Variants in HOMER1 observed in about 807,000 individuals in gnomAD.
HOMER1 encodes homer scaffold protein 1, also known as homer protein homolog 1.
HOMER1 carries 3 observed loss-of-function variants against 48.9 expected under a neutral mutation model. That is an observed-to-expected ratio of 0.06 (90% confidence interval 0.03 to 0.16). The LOEUF (loss-of-function observed/expected upper bound fraction) is 0.16, where lower values mean the gene tolerates loss of function less well. Among genes scored for constraint, HOMER1 ranks in the 10% least tolerant of loss-of-function variants. The probability of loss-of-function intolerance (pLI) is 1.00; values close to 1 mark genes in which losing one functional copy is unlikely to be tolerated. For synonymous variants in HOMER1, 134 were observed against 146.4 expected, an observed-to-expected ratio of 0.92 and a Z score of 0.61; for missense variants, 247 against 411.4, an observed-to-expected ratio of 0.60 and a Z score of 3.46.
intron 1 of HOMER1, among the ~76,000 whole-genome samples, chr5:79,468,548 A>G (rs1433822567): frequency 6.6e-6 from 1 of 152,206 alleles, no homozygotes; most frequent in African/African-American, 2.4e-5. Context: ...TTCAAATAAC[A>G]TATGTTGTTC....
intron 8 of HOMER1, among the ~76,000 whole-genome samples, chr5:79,387,715 G>A (rs1749152864): frequency 6.6e-6 from 1 of 152,078 alleles, no homozygotes; most frequent in African/African-American, 2.4e-5. Flanking sequence ...TGTTTTAATA[G>A]AACATACATT....
At chr5:79,421,809 T>C (rs1329550884) in intron 5 of HOMER1, among the ~76,000 whole-genome samples, 1 of 152,134 alleles carries the variant, frequency 6.6e-6, no homozygotes, top group Non-Finnish European at 1.5e-5. Flanking sequence ...TGTTTCTCCA[T>C]GTTGGCCACA....
intron 8 of HOMER1, among the ~76,000 whole-genome samples, chr5:79,381,598 A>G (rs561158642): frequency 6.6e-6 from 1 of 152,290 alleles, no homozygotes; most frequent in South Asian, 2.1e-4. Context: ...AAAAACGCAC[A>G]AAGAGGCCAG....
chr5:79,510,473 CA>C, intron 1 of HOMER1: 4 of 692,726 alleles, frequency 5.8e-6, no homozygotes, highest in Non-Finnish European at 5.3e-6. Flanking sequence ...CAACCAGTCC[CA>C]AAAATGGCAC....
intron 1 of HOMER1, among the ~76,000 whole-genome samples, chr5:79,482,350 G>C (rs1336414329): frequency 6.6e-6 from 1 of 152,016 alleles, no homozygotes; most frequent in Non-Finnish European, 1.5e-5. Flanking sequence ...AACACACCCA[G>C]AAATGACATA....
rs371198608 is a variant in HOMER1 at position 79,512,783 on chromosome 5, A to G, written c.-9T>C. On this transcript the variant is annotated 5_prime_UTR_variant, in exon 1 of 9. Coordinates refer to ENST00000334082, the MANE Select transcript of HOMER1 (RefSeq NM_004272.5). ...AAAAATCCTTACCCCATTTTGCCCAATGAAAACTTGCTCTGAAGTTTCAGC... is the reference window on the plus strand; with the variant it reads ...AAAAATCCTTACCCCATTTTGCCCAGTGAAAACTTGCTCTGAAGTTTCAGC... 124 of 1,613,536 alleles carry G rather than the reference A, an allele frequency of 7.7e-5. No homozygotes were observed. The highest frequency in any genetic ancestry group is 9.2e-5 in the Non-Finnish European group (109 of 1,179,684).
At chr5:79,476,248 A>AC (rs1164312126) in intron 1 of HOMER1, among the ~76,000 whole-genome samples, 2 of 151,972 alleles carry the variant, frequency 1.3e-5, no homozygotes, top group African/African-American at 4.8e-5. Context: ...GTGGAAAAAA[A>AC]ACGAACTCAA....
chr5:79,389,936 C>G (rs1178702600), intron 8 of HOMER1, among the ~76,000 whole-genome samples: 1 of 152,072 alleles, frequency 6.6e-6, no homozygotes, highest in African/African-American at 2.4e-5. Flanking sequence ...GAGAGCATAA[C>G]AAGCACATTA....
intron 1 of HOMER1, among the ~76,000 whole-genome samples, chr5:79,494,905 G>A (rs1228380152): frequency 5.3e-5 from 8 of 152,200 alleles, no homozygotes; most frequent in African/African-American, 1.7e-4. Flanking sequence ...ATTGCAGCCT[G>A]AGTAGTTGAT....
intron 5 of HOMER1, among the ~76,000 whole-genome samples, chr5:79,429,329 G>A (rs1052062652): frequency 1.3e-5 from 2 of 152,088 alleles, no homozygotes; most frequent in Admixed American, 1.3e-4. Flanking sequence ...GAGCCAAGAC[G>A]GCCCCACTGC....
rs916519858 is a variant in HOMER1, at chr5:79,374,170, A to G, written c.*1839T>C. ...ATTTACTTCAAAATTCCATCAATCA[A>G]ATACATTTTGTTACCTGATTTATCA... On this transcript the variant is annotated 3_prime_UTR_variant, in exon 9 of 9. Transcript: ENST00000334082. 5 of 152,582 alleles carry G rather than the reference A, an allele frequency of 3.3e-5. No individual in the cohort carries two copies. The highest frequency in any genetic ancestry group is 1.2e-4 in the African/African-American group (5 of 41,558). The allele number at this position is 152,582 out of a possible 1,614,324, so 9.5% of individuals were successfully genotyped here.
At chr5:79,480,231 A>T (rs537054099) in intron 1 of HOMER1, among the ~76,000 whole-genome samples, 4 of 152,172 alleles carry the variant, frequency 2.6e-5, no homozygotes, top group Non-Finnish European at 4.4e-5. Context: ...AAAATAAAAC[A>T]CCTGAAAAGT....
chr5:79,483,678 A>C (rs1374866348), intron 1 of HOMER1, among the ~76,000 whole-genome samples: 1 of 151,884 alleles, frequency 6.6e-6, no homozygotes, highest in East Asian at 1.9e-4. Flanking sequence ...GAGCACCAAA[A>C]GGGGTAAATA....
chr5:79,431,558 T>C (rs1750425843), intron 5 of HOMER1, among the ~76,000 whole-genome samples: 1 of 152,150 alleles, frequency 6.6e-6, no homozygotes, highest in South Asian at 2.1e-4. Flanking sequence ...ACTGTGGTGA[T>C]GGTTATACAA....
intron 1 of HOMER1, among the ~76,000 whole-genome samples, chr5:79,465,538 T>C (rs149634650): frequency 7.7e-4 from 116 of 151,036 alleles, no homozygotes; most frequent in African/African-American, 2.8e-3. Context: ...ATTCTTAAAT[T>C]ATATAAAAAT....
chr5:79,379,099 TATATATATATATATAAAATATATAAA>T (rs1748862026), intron 8 of HOMER1, among the ~76,000 whole-genome samples: 1 of 60,994 alleles, frequency 1.6e-5, no homozygotes, highest in African/African-American at 1.1e-4. Flanking sequence ...TATATATATA[TATATATATATATATAAAATATATAAA>T]TATTTATTTA....
At position 79,378,221 on chromosome 5, in the gene HOMER1, T is replaced by TTAAAAAAAAAAAA. The variant is rs756900477; in HGVS notation, c.877-2025_877-2024insTTTTTTTTTTTTA. On this transcript the variant is annotated intron_variant, in intron 8 of 8. Transcript: ENST00000334082. ...TGGGGTGACAGAGTAAGACTCTGTCTCAAAAAAAAAAAAAAAAAAAGGAAA... is the reference window on the plus strand; with the variant it reads ...TGGGGTGACAGAGTAAGACTCTGTCTTAAAAAAAAAAAACAAAAAAAAAAAAAAAAAAAGGAAA... Among the ~76,000 whole-genome samples the TTAAAAAAAAAAAA allele has an allele frequency of 2.4e-4, 23 of 97,474 alleles. 1 individual carries two copies. The highest frequency in any genetic ancestry group is 6.0e-4 in the South Asian group (2 of 3,326). The allele number at this position is 97,474 out of a possible 152,430, so 63.9% of individuals were successfully genotyped here. A position where few individuals can be genotyped will look rare whatever the true frequency, so the allele number is the denominator to read the frequency against.
intron 5 of HOMER1, among the ~76,000 whole-genome samples, chr5:79,420,576 C>T (rs1200663938): frequency 6.6e-6 from 1 of 152,160 alleles, no homozygotes; most frequent in East Asian, 1.9e-4. Context: ...CTTATTCCCC[C>T]ACTGAAGTTT....
chr5:79,434,166 G>A (rs955240285), intron 5 of HOMER1, among the ~76,000 whole-genome samples: 5 of 151,954 alleles, frequency 3.3e-5, no homozygotes, highest in Admixed American at 2.0e-4. Context: ...TCGAAAATAT[G>A]ACAACAATTA....
Sources: allele counts gnomAD v4.1 joint callset (sites outside exome capture counted in the v4.1 genomes callset), GRCh38; gene constraint gnomAD v4.1.1; transcripts MANE v1.5; gene names NCBI Gene and HGNC (gene_info 2026-07-23, HGNC 2026-07-21).